C6orf132: variants seen among roughly 807,000 people sequenced by gnomAD.
C6orf132 encodes the protein chromosome 6 open reading frame 132.
A neutral mutation model predicts 65.3 loss-of-function variants in C6orf132; 43 were observed. The ratio of observed to expected loss-of-function variants is 0.66; its 90% confidence interval spans 0.52 to 0.85. The LOEUF is 0.85. Among genes scored for constraint, C6orf132 ranks in the 40% least tolerant of loss-of-function variants. C6orf132 has a pLI of 0.00. For synonymous variants in C6orf132, 631 were observed against 654.1 expected (o/e 0.96, Z 0.54); for missense variants, 1,488 against 1,548.8 (o/e 0.96, Z 0.66).
chr6:42,142,604 G>T lies in C6orf132; in HGVS notation c.-160C>A, dbSNP rs1582289969. 7 of 615,762 alleles carry T rather than the reference G, an allele frequency of 1.1e-5. No individual in the cohort carries two copies. In the Admixed American group the frequency reaches 2.0e-4, roughly 17 times the overall value. 38.1% of individuals were successfully genotyped at this position (615,762 alleles called of 1,614,324 possible). A position where few individuals can be genotyped will look rare whatever the true frequency, so the allele number is the denominator to read the frequency against. On this transcript the variant is annotated 5_prime_UTR_variant, in exon 1 of 5. Transcript: ENST00000341865. Reference sequence around the variant, plus strand: ...CCGGGCAACAGGTGCTGCGGGCGCCGCCGCTTGCCGGGAAATGCGAGCTAC... The same window carrying T: ...CCGGGCAACAGGTGCTGCGGGCGCCTCCGCTTGCCGGGAAATGCGAGCTAC...
In C6orf132 at chr6:42,104,280, G is replaced by A. The variant is rs191460501; in HGVS notation, c.3449+183C>T. Among the ~76,000 whole-genome samples, 2,386 of 150,718 alleles carry A rather than the reference G, an allele frequency of 0.016. 69 individuals carry two copies. The highest frequency in any genetic ancestry group is 0.056 in the African/African-American group (2,276 of 40,924). On this transcript the variant is annotated intron_variant, in intron 4 of 4. Transcript: ENST00000341865. The surrounding 1 kb of genome is among the most constrained non-coding windows in gnomAD (Gnocchi z 4.1). The stretch of plus-strand genomic sequence containing the variant: ...TGGGGAAAGAGAAGGGAGGTCAGGA[G>A]GGAGGTCAGGAAGGCGCCAACAGCG...
At chr6:42,127,496 G>C (rs1017635167) in intron 2 of C6orf132, among the ~76,000 whole-genome samples, 1 of 152,166 alleles carries the variant, frequency 6.6e-6, no homozygotes, top group Non-Finnish European at 1.5e-5. Flanking sequence ...AGAGGAAGGT[G>C]GTTGTGCCAG....
Position 42,102,236 on chromosome 6 carries a change from T to C in C6orf132, c.*1525A>G, listed in dbSNP as rs1766299261. 1.4e-5 allele frequency: 2 copies of C among 143,946 alleles called. No individual in the cohort carries two copies. The highest frequency in any genetic ancestry group is 6.9e-5 in the Admixed American group (1 of 14,480). 8.9% of individuals were successfully genotyped at this position (143,946 alleles called of 1,614,324 possible). On this transcript the variant is annotated 3_prime_UTR_variant, in exon 5 of 5. Transcript: ENST00000341865. The stretch of plus-strand genomic sequence containing the variant: ...TCCCCTGCTCCTTTTTTTTTTTTTT[T>C]TTTTTTTTTTGAGACGAGTCTCGCT...
At chr6:42,133,840 GGGGC>G (rs1766896637) in intron 1 of C6orf132, among the ~76,000 whole-genome samples, 5 of 100,104 alleles carry the variant, frequency 5.0e-5, no homozygotes, top group African/African-American at 2.9e-4. Context: ...GGGGCGGGGC[GGGGC>G]GGGGGAGGTG....
intron 1 of C6orf132, among the ~76,000 whole-genome samples, chr6:42,136,127 T>TA (rs199921417): frequency 0.018 from 1,565 of 89,166 alleles, 14 homozygotes; most frequent in Middle Eastern, 0.047. Flanking sequence ...ATAAAAATAA[T>TA]AAAAAAAAAA....
intron 2 of C6orf132, among the ~76,000 whole-genome samples, 157 bp downstream of exon 2, chr6:42,128,515 C>T (rs1766800975): frequency 6.6e-6 from 1 of 152,104 alleles, no homozygotes; most frequent in Non-Finnish European, 1.5e-5. Context: ...CCATGAGCCT[C>T]GACCATGCCT....
intron 2 of C6orf132, among the ~76,000 whole-genome samples, chr6:42,127,516 G>T (rs570226028): frequency 6.6e-6 from 1 of 152,202 alleles, no homozygotes; most frequent in Non-Finnish European, 1.5e-5. Context: ...GGCAGGCAGT[G>T]CTAGGCAGCA....
At chr6:42,142,242 G>T in intron 1 of C6orf132, 58 bp downstream of exon 1, 1 of 1,517,902 alleles carries the variant, frequency 6.6e-7, no homozygotes, top group Non-Finnish European at 8.9e-7. Context: ...AGCACCGCCG[G>T]CCCTGCCCCA....
At position 42,104,146 on chromosome 6, in the gene C6orf132, GT is replaced by G. The variant is rs543190296; in HGVS notation, c.3450-269del. Among the ~76,000 whole-genome samples, 227 of 152,282 alleles carry G rather than the reference GT, an allele frequency of 1.5e-3. No individual in the cohort carries two copies. The highest frequency in any genetic ancestry group is 4.5e-3 in the African/African-American group (185 of 41,554). ...CTGGCCTGTGTCGGGATCCAACTCT[GT>G]GTTGGGAAATCCCTCCACCCAAGGG... On this transcript the variant is annotated intron_variant, in intron 4 of 4. Coordinates refer to ENST00000341865, the MANE Select transcript of C6orf132 (RefSeq NM_001164446.3). This position sits in a 1 kb window ranked among gnomAD's most constrained non-coding sequence, Gnocchi z 4.1.
Position 42,104,631 on chromosome 6 carries a change from G to A in C6orf132, c.3281C>T (p.Pro1094Leu). The A allele has an allele frequency of 3.6e-6, 5 of 1,395,628 alleles. No homozygotes were observed. Among genetic ancestry groups the A allele is most frequent in the Non-Finnish European group, 4.6e-6 (5 of 1,081,036 alleles). The allele number at this position is 1,395,628 out of a possible 1,614,324, so 86.5% of individuals were successfully genotyped here. The change falls in exon 4 of 5, where the codon CCG becomes CTG. Residue 1094 changes from proline to leucine, a missense_variant. Pro to Leu is a moderately conservative substitution (Grantham distance 98). Transcript: ENST00000341865. The surrounding 1 kb of genome is among the most constrained non-coding windows in gnomAD (Gnocchi z 4.1). ...RSLSSPNCFG[P>L]QPGGPEMRRV... ...CCGCATCTCGGGGCCTCCGGGCTGC[G>A]GCCCGAAGCAGTTGGGAGAGCTCAG...
rs1766424184 is a variant in C6orf132 at position 42,107,093 on chromosome 6, T to G, written c.819A>C (p.Arg273Ser). 1.4e-6 allele frequency: 2 copies of G among 1,461,436 alleles called. No individual in the cohort carries two copies. The highest frequency in any genetic ancestry group is 1.4e-5 in the African/African-American group (1 of 69,670). 90.5% of individuals were successfully genotyped at this position (1,461,436 alleles called of 1,614,324 possible). A position where few individuals can be genotyped will look rare whatever the true frequency, so the allele number is the denominator to read the frequency against. ...ALNGRQAEAT[R>S]ASPPRSPAEP... Reference sequence around the variant, plus strand: ...CAGCAGGGCTTCTCGGGGGGCTGGCTCTGGTGGCCTCTGCCTGCCTGCCAT... The same window carrying G: ...CAGCAGGGCTTCTCGGGGGGCTGGCGCTGGTGGCCTCTGCCTGCCTGCCAT... Residue 273 changes from arginine (R) to serine (S), a missense_variant, in exon 4 of 5, where the codon AGA becomes AGC. By Grantham distance (110) the Arg-to-Ser change is moderately radical. Transcript: ENST00000341865.
At chr6:42,136,854 A>AGGACGGAACAG (rs1766950964) in intron 1 of C6orf132, among the ~76,000 whole-genome samples, 2 of 152,086 alleles carry the variant, frequency 1.3e-5, no homozygotes, top group Non-Finnish European at 2.9e-5. Context: ...AAAGTAGAGG[A>AGGACGGAACAG]GGACGGAACA....
Position 42,103,256 on chromosome 6 carries a change from T to C in C6orf132, c.*505A>G, listed in dbSNP as rs187669147. 4.3e-4 allele frequency: 170 copies of C among 398,134 alleles called. No individual in the cohort carries two copies. Among genetic ancestry groups the C allele is most frequent in the East Asian group, 3.8e-3 (108 of 28,052 alleles). The allele number at this position is 398,134 out of a possible 1,614,324, so 24.7% of individuals were successfully genotyped here. On this transcript the variant is annotated 3_prime_UTR_variant, in exon 5 of 5. Transcript: ENST00000341865. ...GTCCACTCTTGCTTGGGATGGCAGG[T>C]GATGGAGGCTAAAGATCTCCCTTCG...
chr6:42,140,863 G>C (rs138860861), intron 1 of C6orf132, among the ~76,000 whole-genome samples: 8 of 152,154 alleles, frequency 5.3e-5, no homozygotes, highest in African/African-American at 1.9e-4. Flanking sequence ...TGGTGCCTCC[G>C]TTGAGAGGGA....
At chr6:42,119,444 AAG>A (rs1766644207) in intron 2 of C6orf132, among the ~76,000 whole-genome samples, 1 of 143,322 alleles carries the variant, frequency 7.0e-6, no homozygotes, top group Non-Finnish European at 1.5e-5. Flanking sequence ...TCCCAGGTTC[AAG>A]CAATTCTTCT....
intron 2 of C6orf132, among the ~76,000 whole-genome samples, chr6:42,127,273 C>T (rs1766782837): frequency 6.6e-6 from 1 of 152,172 alleles, no homozygotes; most frequent in Non-Finnish European, 1.5e-5. Flanking sequence ...GGTGGTGTTG[C>T]ACTTTCTATA....
chr6:42,109,991 C>T (rs1025950406), intron 3 of C6orf132, among the ~76,000 whole-genome samples: 7 of 152,178 alleles, frequency 4.6e-5, no homozygotes, highest in Non-Finnish European at 7.3e-5. Flanking sequence ...ATCCTTCCCC[C>T]GCCAGAAAGG....
At position 42,103,185 on chromosome 6, in the gene C6orf132, C is replaced by G. The variant is rs901894033; in HGVS notation, c.*576G>C. 13 of 398,576 alleles carry G rather than the reference C, an allele frequency of 3.3e-5. No individual in the cohort carries two copies. Among genetic ancestry groups the G allele is most frequent in the African/African-American group, 2.7e-4 (13 of 48,638 alleles). 24.7% of individuals were successfully genotyped at this position (398,576 alleles called of 1,614,324 possible). A position where few individuals can be genotyped will look rare whatever the true frequency, so the allele number is the denominator to read the frequency against. ...ACATGGTCCTTCTCCACATGTTATACATACACATTCCTGGTCCCACCTCAA... is the reference window on the plus strand; with the variant it reads ...ACATGGTCCTTCTCCACATGTTATAGATACACATTCCTGGTCCCACCTCAA... On this transcript the variant is annotated 3_prime_UTR_variant, in exon 5 of 5. Coordinates refer to ENST00000341865, the MANE Select transcript of C6orf132 (RefSeq NM_001164446.3).
rs1766285351 is a variant in C6orf132 at position 42,101,677 on chromosome 6, ATC to A, written c.*2082_*2083del. 1 of 152,124 alleles carries A rather than the reference ATC, an allele frequency of 6.6e-6. No homozygotes were observed. Among genetic ancestry groups the A allele is most frequent in the Non-Finnish European group, 1.5e-5 (1 of 68,042 alleles). The allele number at this position is 152,124 out of a possible 1,614,324, so 9.4% of individuals were successfully genotyped here. On this transcript the variant is annotated 3_prime_UTR_variant, in exon 5 of 5. Transcript: ENST00000341865. ...CCTTAACATAGCAGATAAATTAATG[ATC>A]TCTTTTATAAAACATTGTACAGGGA... is the stretch of plus-strand genomic sequence containing the variant.
Sources: allele counts gnomAD v4.1 joint callset (sites outside exome capture counted in the v4.1 genomes callset), GRCh38; gene constraint gnomAD v4.1.1; non-coding constraint Gnocchi (gnomAD v3.1); transcripts MANE v1.5; gene names NCBI Gene and HGNC (gene_info 2026-07-23, HGNC 2026-07-21).